Variants in MYO1D observed in about 807,000 individuals in gnomAD.
MYO1D encodes the protein unconventional myosin-Id.
Under a neutral mutation model 122.0 loss-of-function variants are expected in MYO1D, and 83 were observed. The ratio of observed to expected loss-of-function variants is 0.68; its 90% CI spans 0.57 to 0.82. MYO1D has a LOEUF of 0.82. Ranked by LOEUF, MYO1D falls within the 40% of genes least tolerant of loss-of-function variation. MYO1D has a pLI of 0.00. For synonymous variants in MYO1D, 464 were observed against 446.9 expected (o/e 1.04, Z -0.48); for missense variants, 1,157 against 1,269.5 (o/e 0.91, Z 1.35).
chr17:32,772,113 G>T (rs1019117676), intron 5 of MYO1D, among the ~76,000 whole-genome samples: 1 of 152,108 alleles, frequency 6.6e-6, no homozygotes, highest in Non-Finnish European at 1.5e-5. Flanking sequence ...TATTGTCACC[G>T]TTCAGTTACT....
chr17:32,667,338 T>A (rs987857136), intron 16 of MYO1D, among the ~76,000 whole-genome samples: 2 of 152,222 alleles, frequency 1.3e-5, no homozygotes, highest in Non-Finnish European at 2.9e-5. Flanking sequence ...AAAGACTTGA[T>A]ATGCTATTTT....
rs142182327 is a variant in MYO1D at position 32,695,163 on chromosome 17, G to C, written c.2121+16825C>G. Among the ~76,000 whole-genome samples the C allele has an allele frequency of 3.0e-3, 463 of 152,248 alleles. 3 individuals carry two copies. The highest frequency in any genetic ancestry group is 2.5e-3 in the Non-Finnish European group (170 of 68,008). ...TTCCATGCACCGGCATGGTGGGGGT[G>C]GGGGTGGTTTCAGGATGAAACTGTT... On this transcript the variant is annotated intron_variant, in intron 16 of 21. Coordinates refer to ENST00000318217, the MANE Select transcript of MYO1D (RefSeq NM_015194.3).
intron 14 of MYO1D, among the ~76,000 whole-genome samples, chr17:32,723,151 C>T (rs368851486): frequency 2.0e-5 from 3 of 152,242 alleles, no homozygotes; most frequent in African/African-American, 4.8e-5. Flanking sequence ...GAAGCTCCTG[C>T]GCTTGGACCC....
intron 13 of MYO1D, among the ~76,000 whole-genome samples, chr17:32,740,208 G>A (rs1403296767): frequency 6.6e-6 from 1 of 152,166 alleles, no homozygotes; most frequent in African/African-American, 2.4e-5. Flanking sequence ...GTAGAAAATT[G>A]CACTTTGTGT....
At chr17:32,849,142 A>G (rs904976064) in intron 1 of MYO1D, among the ~76,000 whole-genome samples, 2 of 151,812 alleles carry the variant, frequency 1.3e-5, no homozygotes, top group Non-Finnish European at 2.9e-5. Context: ...TTAGAATGGC[A>G]ATCATTAAAA....
chr17:32,658,857 C>A, intron 17 of MYO1D: 1 of 476,438 alleles, frequency 2.1e-6, no homozygotes, highest in South Asian at 2.7e-5. Flanking sequence ...AGTAGCTTAT[C>A]TTAACTATGG....
chr17:32,755,801 C>T (rs1017560479), intron 10 of MYO1D, 139 bp from the exon 11 acceptor site: 11 of 636,902 alleles, frequency 1.7e-5, no homozygotes, highest in African/African-American at 3.7e-5. Context: ...AGAGGTCTTA[C>T]GCTAAAAAGA....
chr17:32,755,406 TC>T, intron 11 of MYO1D, 85 bp downstream of exon 11: 1 of 1,360,044 alleles, frequency 7.4e-7, no homozygotes, highest in Non-Finnish European at 1.0e-6. Context: ...CATTCTTTTA[TC>T]CCAACATATA....
chr17:32,822,309 G>A (rs958564193), intron 1 of MYO1D, among the ~76,000 whole-genome samples: 2 of 150,696 alleles, frequency 1.3e-5, no homozygotes, highest in Non-Finnish European at 1.5e-5. Context: ...TCACTCATAG[G>A]TGGGAATTGA....
At chr17:32,531,676 T>C (rs1417697228) in intron 21 of MYO1D, among the ~76,000 whole-genome samples, 1 of 152,188 alleles carries the variant, frequency 6.6e-6, no homozygotes, top group Non-Finnish European at 1.5e-5. Flanking sequence ...ATTAACCTTT[T>C]GTGTGCATCA....
At chr17:32,717,054 C>T (rs2150989209) in intron 15 of MYO1D, among the ~76,000 whole-genome samples, 1 of 152,136 alleles carries the variant, frequency 6.6e-6, no homozygotes, top group East Asian at 1.9e-4. Flanking sequence ...AATCTAAAAG[C>T]AAAAATTCAC....
intron 1 of MYO1D, among the ~76,000 whole-genome samples, chr17:32,805,288 T>C (rs1211256383): frequency 1.3e-5 from 2 of 152,232 alleles, no homozygotes; most frequent in Non-Finnish European, 1.5e-5. Context: ...TATTTTGGTA[T>C]AGCAGCCCAA....
intron 1 of MYO1D, among the ~76,000 whole-genome samples, chr17:32,865,245 G>A (rs1379031015): frequency 6.6e-6 from 1 of 152,186 alleles, no homozygotes; most frequent in African/African-American, 2.4e-5. Context: ...CAAAGCAACA[G>A]TCTGAGATAG....
At chr17:32,761,314 C>T (rs2089999787) in intron 8 of MYO1D, among the ~76,000 whole-genome samples, 1 of 152,160 alleles carries the variant, frequency 6.6e-6, no homozygotes, top group South Asian at 2.1e-4. Flanking sequence ...CTCCAGTCTC[C>T]ACTTACATCC....
chr17:32,614,592 C>T (rs1035149365), intron 20 of MYO1D, among the ~76,000 whole-genome samples: 5 of 152,246 alleles, frequency 3.3e-5, no homozygotes, highest in Admixed American at 3.3e-4. Flanking sequence ...TCATCTGTCT[C>T]TCCTAATCTC....
In MYO1D at chr17:32,607,804, A is replaced by G. The variant is rs1597928324; in HGVS notation, c.2710-2563T>C. Among the ~76,000 whole-genome samples, 5 of 147,970 alleles carry G rather than the reference A, an allele frequency of 3.4e-5. No individual in the cohort carries two copies. In the South Asian group the frequency reaches 8.4e-4, roughly 25 times the overall value. ...TAATCAAGACAATAATTTAGAAAGG[A>G]AAAAAAAAACATAGATCAGAAACAG... On this transcript the variant is annotated intron_variant, in intron 20 of 21. Transcript: ENST00000318217.
intron 16 of MYO1D, among the ~76,000 whole-genome samples, chr17:32,710,128 T>G (rs7342850): frequency 6.6e-6 from 1 of 152,138 alleles, no homozygotes; most frequent in African/African-American, 2.4e-5. Flanking sequence ...TTAATCAACC[T>G]TAATAAAGAA....
At chr17:32,632,863 T>C (rs2088040114) in intron 20 of MYO1D, among the ~76,000 whole-genome samples, 1 of 151,908 alleles carries the variant, frequency 6.6e-6, no homozygotes. Flanking sequence ...AACAGACCAA[T>C]AGAACAGAGC....
chr17:32,505,128 T>C (rs1378800799), intron 21 of MYO1D: 1 of 152,250 alleles, frequency 6.6e-6, no homozygotes, highest in East Asian at 1.9e-4. Flanking sequence ...GAGAGATCTT[T>C]TAAGGGCTCA....
Sources: gnomAD v4.1 joint callset for allele counts (sites outside exome capture counted in the v4.1 genomes callset) on GRCh38, gnomAD v4.1.1 for gene constraint, MANE v1.5 for transcripts, NCBI Gene and HGNC (gene_info 2026-07-23, HGNC 2026-07-21) for gene names.